Variants in CCDC112 observed in about 807,000 individuals in gnomAD.
CCDC112 encodes the protein coiled-coil domain-containing protein 112.
CCDC112 carries 40 observed loss-of-function variants against 66.3 expected under a neutral mutation model. The ratio of observed to expected loss-of-function variants is 0.60; its 90% CI spans 0.47 to 0.79. The LOEUF (loss-of-function observed/expected upper bound fraction) is 0.79. Ranked by LOEUF, CCDC112 falls within the 30% of genes least tolerant of loss-of-function variation. The pLI, the probability that CCDC112 is intolerant of heterozygous loss-of-function variation, is 0.00. For synonymous variants in CCDC112, 214 were observed against 197.2 expected (o/e 1.09, Z -0.71); for missense variants, 659 against 603.8 (o/e 1.09, Z -0.96).
At chr5:115,277,077 T>TCTGTG in intron 3 of CCDC112, 23 bp from the exon 4 acceptor site, 5 of 1,355,886 alleles carry the variant, frequency 3.7e-6, no homozygotes, top group Non-Finnish European at 5.3e-6. Context: ...AGTATGCACT[T>TCTGTG]TAAAATAATT....
chr5:115,296,005 C>G (rs571392896), intron 1 of CCDC112: 1 of 989,596 alleles, frequency 1.0e-6, no homozygotes, highest in South Asian at 4.7e-5. Flanking sequence ...GTGTTCCCAG[C>G]GCCGGTACAG....
Position 115,275,246 on chromosome 5 carries a change from CT to C in CCDC112, c.887del (p.Lys296SerfsTer5). On this transcript the variant is annotated frameshift_variant, in exon 6 of 10. Transcript: ENST00000379611. LOFTEE classifies it high-confidence loss of function. ...EVQQHEKWYQ[K>X]FLALEERKKE... ...TTTTTCTTTCTTCTAGAGCCAGAAA[CT>C]TTTGATACCATTTTTCATGCTGTTG... 6.2e-7 allele frequency: 1 copy of C among 1,610,236 alleles called. No homozygotes were observed. The highest frequency in any genetic ancestry group is 8.5e-7 in the Non-Finnish European group (1 of 1,178,982).
rs1279508511 is a variant in CCDC112 at position 115,267,388 on chromosome 5, A to T, written c.*488T>A. 1.3e-5 allele frequency: 2 copies of T among 155,548 alleles called. No homozygotes were observed. Among genetic ancestry groups the T allele is most frequent in the African/African-American group, 4.8e-5 (2 of 41,484 alleles). 9.6% of individuals were successfully genotyped at this position (155,548 alleles called of 1,614,324 possible). ...AATACAAAATATTTATTACACAAAAATGTCATAACTGACAAACTGCCAATT... is the reference window on the plus strand; with the variant it reads ...AATACAAAATATTTATTACACAAAATTGTCATAACTGACAAACTGCCAATT... On this transcript the variant is annotated 3_prime_UTR_variant, in exon 10 of 10. Coordinates refer to ENST00000379611, the MANE Select transcript of CCDC112 (RefSeq NM_001040440.3).
chr5:115,270,410 CCTTGT>C (rs1458557654), intron 7 of CCDC112, among the ~76,000 whole-genome samples: 1 of 152,068 alleles, frequency 6.6e-6, no homozygotes, highest in Non-Finnish European at 1.5e-5. Flanking sequence ...AAGTCCCCTT[CCTTGT>C]CTTAATACTT....
intron 1 of CCDC112, among the ~76,000 whole-genome samples, chr5:115,286,901 G>C (rs940620265): frequency 6.6e-6 from 1 of 152,118 alleles, no homozygotes; most frequent in Non-Finnish European, 1.5e-5. Context: ...GGGGGACAGA[G>C]CAACACACTG....
rs115317830 is a variant in CCDC112 at position 115,286,607 on chromosome 5, C to T, written c.118-1699G>A. Among the ~76,000 whole-genome samples, 648 of 152,070 alleles carry T rather than the reference C, an allele frequency of 4.3e-3. 4 individuals carry two copies. The highest frequency in any genetic ancestry group is 0.015 in the African/African-American group (627 of 41,466). ...AAGTAACTATTTTTTTTTACTTTCCCATTTTGAAAAATTGGGTGGCATAGT... is the reference window on the plus strand; with the variant it reads ...AAGTAACTATTTTTTTTTACTTTCCTATTTTGAAAAATTGGGTGGCATAGT... On this transcript the variant is annotated intron_variant, in intron 1 of 9. Transcript: ENST00000379611.
rs1750175069 is a variant in CCDC112, at chr5:115,296,649, C to G, written c.-106G>C. 2.0e-6 allele frequency: 2 copies of G among 1,001,996 alleles called. No individual in the cohort carries two copies. Among genetic ancestry groups the G allele is most frequent in the East Asian group, 1.2e-4 (1 of 8,392 alleles). 62.1% of individuals were successfully genotyped at this position (1,001,996 alleles called of 1,614,324 possible). A position where few individuals can be genotyped will look rare whatever the true frequency, so the allele number is the denominator to read the frequency against. ...CAGCTCCCTGCGCTGCGGGCTTGGC[C>G]GGGATGCAGGGCGGGGCCGAGATGT... On this transcript the variant is annotated 5_prime_UTR_variant, in exon 1 of 10. Transcript: ENST00000379611.
chr5:115,271,223 A>T lies in CCDC112; in HGVS notation c.1322T>A (p.Phe441Tyr). ...AATAGATTTACTCACTCTTTCTTGA[A>T]ATCTGGAAATTTCATCAGCAGCATT... ...RKNAADEISRFQERDLHKLEL... is the reference protein window; with the variant it reads ...RKNAADEISRYQERDLHKLEL... The change falls in exon 7 of 10, where the codon TTT (phenylalanine) becomes TAT (tyrosine). Residue 441 changes from phenylalanine to tyrosine, a missense_variant. Physicochemically the swap from Phe to Tyr is conservative, Grantham distance 22 (BLOSUM62 3). Transcript: ENST00000379611. The T allele has an allele frequency of 6.3e-7, 1 of 1,579,722 alleles. No homozygotes were observed. The highest frequency in any genetic ancestry group is 2.2e-5 in the East Asian group (1 of 44,618).
At chr5:115,281,565 T>G (rs1232540999) in intron 2 of CCDC112, among the ~76,000 whole-genome samples, 1 of 152,204 alleles carries the variant, frequency 6.6e-6, no homozygotes, top group Non-Finnish European at 1.5e-5. Context: ...TCATCTAGGC[T>G]CTGGTTGCAG....
chr5:115,277,186 G>A (rs922700502), intron 3 of CCDC112, 132 bp from the exon 4 acceptor site: 5 of 571,108 alleles, frequency 8.8e-6, no homozygotes, highest in Non-Finnish European at 1.2e-5. Context: ...AGATATTTAT[G>A]TCAAAACATT....
At chr5:115,269,052 C>A (rs372961345) in intron 8 of CCDC112, 52 bp from the exon 9 acceptor site, 1 of 1,033,936 alleles carries the variant, frequency 9.7e-7, no homozygotes, top group Non-Finnish European at 1.4e-6. Context: ...TCAGTTTGTA[C>A]TAGTAAATAA....
intron 7 of CCDC112, among the ~76,000 whole-genome samples, chr5:115,270,328 C>T (rs1258002717): frequency 1.3e-5 from 2 of 152,108 alleles, no homozygotes; most frequent in Non-Finnish European, 2.9e-5. Context: ...GCTTTACAAA[C>T]ATTGCTGCTA....
chr5:115,269,762 GTCTA>G lies in CCDC112; in HGVS notation c.1365_1368del (p.Ala458ArgfsTer15), dbSNP rs781353735. On this transcript the variant is annotated frameshift_variant, in exon 8 of 10. Coordinates refer to ENST00000379611, the MANE Select transcript of CCDC112 (RefSeq NM_001040440.3). LOFTEE classifies it high-confidence loss of function. ...TGTGACTTTTCATCTTCCTTTGCCT[GTCTA>G]TCTAGAATTTTCAGTTCAAGTTTAT... The G allele has an allele frequency of 6.3e-7, 1 of 1,590,940 alleles. No homozygotes were observed. Among genetic ancestry groups the G allele is most frequent in the Non-Finnish European group, 8.5e-7 (1 of 1,171,716 alleles).
chr5:115,296,575 G>T lies in CCDC112; in HGVS notation c.-32C>A. 6.9e-7 allele frequency: 1 copy of T among 1,440,252 alleles called. No individual in the cohort carries two copies. The allele number at this position is 1,440,252 out of a possible 1,614,324, so 89.2% of individuals were successfully genotyped here. A position where few individuals can be genotyped will look rare whatever the true frequency, so the allele number is the denominator to read the frequency against. On this transcript the variant is annotated 5_prime_UTR_variant, in exon 1 of 10. Coordinates refer to ENST00000379611, the MANE Select transcript of CCDC112 (RefSeq NM_001040440.3). ...CCGCCGAGCTACTCGGGCCGCGGCG[G>T]CCACCGGTGCCTGGGGATTCGTGGC... is the stretch of plus-strand genomic sequence containing the variant.
At chr5:115,283,272 T>C (rs928791464) in intron 2 of CCDC112, among the ~76,000 whole-genome samples, 1 of 152,176 alleles carries the variant, frequency 6.6e-6, no homozygotes, top group South Asian at 2.1e-4. Context: ...CATCTCCCCA[T>C]TATCCCCACT....
At chr5:115,275,135 G>A (rs1749149318) in intron 6 of CCDC112, 81 bp downstream of exon 6, 4 of 1,066,858 alleles carry the variant, frequency 3.7e-6, no homozygotes, top group Admixed American at 2.8e-5. Context: ...TTGCTGTAAA[G>A]TTAATGAGAC....
chr5:115,277,088 C>A, intron 3 of CCDC112, 34 bp from the exon 4 acceptor site: 1 of 1,273,970 alleles, frequency 7.8e-7, no homozygotes, highest in Non-Finnish European at 1.1e-6. Flanking sequence ...TAAAATAATT[C>A]TGTGACAAAT....
chr5:115,278,686 G>A (rs1376432921), intron 3 of CCDC112, among the ~76,000 whole-genome samples: 1 of 151,918 alleles, frequency 6.6e-6, no homozygotes, highest in African/African-American at 2.4e-5. Flanking sequence ...GGGGTGTCTC[G>A]GTTTTTCAAT....
intron 8 of CCDC112, among the ~76,000 whole-genome samples, chr5:115,269,250 C>A (rs889995230): frequency 6.6e-6 from 1 of 151,940 alleles, no homozygotes; most frequent in African/African-American, 2.4e-5. Context: ...TTTTCTATTT[C>A]TATTATGAGA....
Sources: allele counts gnomAD v4.1 joint callset (sites outside exome capture counted in the v4.1 genomes callset), GRCh38; gene constraint gnomAD v4.1.1; transcripts MANE v1.5; gene names NCBI Gene and HGNC (gene_info 2026-07-23, HGNC 2026-07-21).